RIMKLB: variants seen among roughly 807,000 people sequenced by gnomAD.
RIMKLB encodes the protein ribosomal modification protein rimK like family member B.
RIMKLB carries 7 observed loss-of-function variants against 32.0 expected under a neutral mutation model. The observed-to-expected ratio is 0.22, with a 90% CI of 0.12 to 0.41. The LOEUF is 0.41. Ranked by LOEUF, RIMKLB falls within the 10% of genes least tolerant of loss-of-function variation. The pLI is 1.00. For synonymous variants in RIMKLB, 172 were observed against 185.1 expected, an observed-to-expected ratio of 0.93 and a Z score of 0.57; for missense variants, 289 against 498.7, an observed-to-expected ratio of 0.58 and a Z score of 4.00.
intron 1 of RIMKLB, among the ~76,000 whole-genome samples, chr12:8,682,746 G>C (rs1463518505): frequency 2.0e-5 from 3 of 150,730 alleles, no homozygotes; most frequent in African/African-American, 7.3e-5. Context: ...CAGCCCCGCC[G>C]GGGGGGAGGG....
chr12:8,669,793 C>T, the RIMKLB span, among the ~76,000 whole-genome samples: 227 of 151,738 alleles, frequency 1.5e-3, 1 homozygote, highest in African/African-American at 4.7e-3. Context: ...TTTGGGAGGC[C>T]GAGGCGGGCG....
rs1394689486 is a variant in RIMKLB at position 8,718,657 on chromosome 12, A to ATGTGTG, written c.175+4617_175+4618insGTGTGT. ...ACTCCGTCTCTCTCTCTCTCTCTAT[A>ATGTGTG]TATATATATATATGTGTGTGTGTGT... On this transcript the variant is annotated intron_variant, in intron 2 of 5. Coordinates refer to ENST00000535829, the MANE Select transcript of RIMKLB (RefSeq NM_001297776.2). Among the ~76,000 whole-genome samples, 664 of 133,542 alleles carry ATGTGTG rather than the reference A, an allele frequency of 5.0e-3. 8 individuals carry two copies. Among genetic ancestry groups the ATGTGTG allele is most frequent in the African/African-American group, 0.02 (624 of 31,888 alleles). The allele number at this position is 133,542 out of a possible 152,430, so 87.6% of individuals were successfully genotyped here.
chr12:8,703,659 A>G (rs1384748425), intron 1 of RIMKLB, among the ~76,000 whole-genome samples: 1 of 152,042 alleles, frequency 6.6e-6, no homozygotes, highest in Non-Finnish European at 1.5e-5. Flanking sequence ...GCCTCAAGCA[A>G]TCCTTTTGCT....
At chr12:8,780,468 A>C (rs1278374339), downstream of RIMKLB, 1 of 152,218 alleles carries the variant, frequency 6.6e-6, no homozygotes, top group Non-Finnish European at 1.5e-5. Flanking sequence ...GAGAAACATT[A>C]AAAAGTTGGT....
chr12:8,751,533 A>C (rs2137760531), intron 3 of RIMKLB, among the ~76,000 whole-genome samples: 1 of 152,308 alleles, frequency 6.6e-6, no homozygotes, highest in East Asian at 1.9e-4. Flanking sequence ...TAATAAAAAG[A>C]GAATGTGTCA....
At chr12:8,711,424 G>A (rs1157645593) in intron 1 of RIMKLB, among the ~76,000 whole-genome samples, 1 of 152,060 alleles carries the variant, frequency 6.6e-6, no homozygotes, top group African/African-American at 2.4e-5. Context: ...TCTGCAAACG[G>A]ATGAGTTTCA....
At chr12:8,733,211 C>G (rs1946707540) in intron 2 of RIMKLB, among the ~76,000 whole-genome samples, 1 of 151,770 alleles carries the variant, frequency 6.6e-6, no homozygotes, top group Non-Finnish European at 1.5e-5. Flanking sequence ...ATAGTACAGC[C>G]CCCAACAACA....
At chr12:8,732,594 A>G (rs1946638967) in intron 2 of RIMKLB, among the ~76,000 whole-genome samples, 2 of 152,352 alleles carry the variant, frequency 1.3e-5, no homozygotes, top group South Asian at 4.1e-4. Flanking sequence ...ATAATCTGAC[A>G]TTTTAACATT....
At chr12:8,773,297 T>G in intron 5 of RIMKLB, 24 bp from the exon 6 acceptor site, 1 of 1,514,542 alleles carries the variant, frequency 6.6e-7, no homozygotes, top group Non-Finnish European at 9.1e-7. Flanking sequence ...TTTTGTTAAT[T>G]TCCTGTCTTG....
intron 5 of RIMKLB, among the ~76,000 whole-genome samples, chr12:8,764,662 C>T (rs1256465880): frequency 2.6e-5 from 4 of 152,148 alleles, no homozygotes; most frequent in African/African-American, 7.2e-5. Context: ...TGGGCTGGCA[C>T]TTGCCCCAGG....
chr12:8,696,691 AC>A (rs1942901014), upstream of RIMKLB, among the ~76,000 whole-genome samples: 1 of 152,174 alleles, frequency 6.6e-6, no homozygotes, highest in African/African-American at 2.4e-5. Flanking sequence ...AGAAGTTACC[AC>A]CCTGGGTTAT....
chr12:8,713,793 AT>A lies in RIMKLB; in HGVS notation c.-56-12del, dbSNP rs1944572436. On this transcript the variant is annotated splice_polypyrimidine_tract_variant and intron_variant, in intron 1 of 5. Coordinates refer to ENST00000535829, the MANE Select transcript of RIMKLB (RefSeq NM_001297776.2). ...ATTTCTTGATTTACCTTTTATGTATATTTTTTCTTCCATCTAGGTAGACGTT... is the reference window on the plus strand; with the variant it reads ...ATTTCTTGATTTACCTTTTATGTATATTTTTCTTCCATCTAGGTAGACGTT... The A allele has an allele frequency of 7.0e-7, 1 of 1,434,966 alleles. No homozygotes were observed. Among genetic ancestry groups the A allele is most frequent in the African/African-American group, 1.4e-5 (1 of 71,388 alleles). 88.9% of individuals were successfully genotyped at this position (1,434,966 alleles called of 1,614,324 possible). A position where few individuals can be genotyped will look rare whatever the true frequency, so the allele number is the denominator to read the frequency against.
intron 2 of RIMKLB, among the ~76,000 whole-genome samples, chr12:8,725,707 A>C (rs1445423174): frequency 6.6e-6 from 1 of 152,208 alleles, no homozygotes; most frequent in Non-Finnish European, 1.5e-5. Flanking sequence ...TTAACCATCT[A>C]TGTTCAGGTA....
At chr12:8,721,094 A>T (rs1695774113) in intron 2 of RIMKLB, among the ~76,000 whole-genome samples, 1 of 152,172 alleles carries the variant, frequency 6.6e-6, no homozygotes, top group Non-Finnish European at 1.5e-5. Context: ...TTTAATTGTA[A>T]TGTGTTTTGA....
chr12:8,777,964 CTT>C, downstream of RIMKLB, among the ~76,000 whole-genome samples: 1 of 152,032 alleles, frequency 6.6e-6, no homozygotes, highest in Non-Finnish European at 1.5e-5. Flanking sequence ...TAAAGAAGAG[CTT>C]TTGGGGGTAA....
chr12:8,670,026 CAAAAAAA>C, the RIMKLB span, among the ~76,000 whole-genome samples: 11 of 36,942 alleles, frequency 3.0e-4, no homozygotes, highest in African/African-American at 7.3e-4. Flanking sequence ...GACTCCGTCT[CAAAAAAA>C]AAAAAAAAAA....
chr12:8,747,878 C>A (rs1041888354), intron 2 of RIMKLB, among the ~76,000 whole-genome samples: 19 of 151,966 alleles, frequency 1.3e-4, no homozygotes, highest in African/African-American at 4.1e-4. Context: ...GCCTTAGCCT[C>A]CCGAGTAGCT....
intron 2 of RIMKLB, among the ~76,000 whole-genome samples, chr12:8,746,638 G>A (rs950959576): frequency 1.5e-4 from 22 of 151,416 alleles, no homozygotes; most frequent in African/African-American, 3.9e-4. Flanking sequence ...CAAGATGCTC[G>A]TAACAAATGA....
chr12:8,705,086 G>A (rs1943743315), intron 1 of RIMKLB, among the ~76,000 whole-genome samples: 1 of 152,100 alleles, frequency 6.6e-6, no homozygotes, highest in South Asian at 2.1e-4. Flanking sequence ...AGGAAGCATG[G>A]ACGAATATAA....
Sources: gnomAD v4.1 joint callset for allele counts (sites outside exome capture counted in the v4.1 genomes callset) on GRCh38, gnomAD v4.1.1 for gene constraint, MANE v1.5 for transcripts, NCBI Gene and HGNC (gene_info 2026-07-23, HGNC 2026-07-21) for gene names.